The following PCDHGA4 variants were observed in gnomAD, a reference collection of about 807,000 sequenced individuals.
PCDHGA4 encodes the protein protocadherin gamma subfamily A, 4, also known as protocadherin gamma-A4.
Under a neutral mutation model 54.6 loss-of-function variants are expected in PCDHGA4, and 38 were observed. The ratio of observed to expected loss-of-function variants is 0.70; its 90% CI spans 0.54 to 0.91. The LOEUF (loss-of-function observed/expected upper bound fraction) is 0.91. Among genes scored for constraint, PCDHGA4 ranks in the 40% least tolerant of loss-of-function variants. The probability of loss-of-function intolerance (pLI) is 0.00; values close to 1 mark genes in which losing one functional copy is unlikely to be tolerated. For synonymous variants in PCDHGA4, 511 were observed against 512.9 expected (o/e 1.00, Z 0.05); for missense variants, 1,298 against 1,220.9 (o/e 1.06, Z -0.94).
At chr5:141,394,840 G>A in intron 1 of PCDHGA4, 3 of 1,613,834 alleles carry the variant, frequency 1.9e-6, no homozygotes, top group Non-Finnish European at 2.5e-6. Context: ...ACCGAGTTGG[G>A]CAGTCTGAAG....
Position 141,464,279 on chromosome 5 carries a change from CA to C in PCDHGA4, c.2515-30517del, listed in dbSNP as rs373828487. Among the ~76,000 whole-genome samples, 143 of 137,732 alleles carry C rather than the reference CA, an allele frequency of 1.0e-3. 2 individuals are homozygous for C. The Middle Eastern group carries it at 0.015, about 15-fold the overall frequency. 90.4% of individuals were successfully genotyped at this position (137,732 alleles called of 152,430 possible). A position where few individuals can be genotyped will look rare whatever the true frequency, so the allele number is the denominator to read the frequency against. The stretch of plus-strand genomic sequence containing the variant: ...GACTCCGTCTAAAAAAAAAAAAAAG[CA>C]AAAAAAAAAACTCCATTGTATGTGC... On this transcript the variant is annotated intron_variant, in intron 1 of 3. Transcript: ENST00000571252.
chr5:141,357,619 C>T lies in PCDHGA4; in HGVS notation c.2512C>T (p.Gln838Ter). The change falls in exon 1 of 4, where the codon CAG becomes TAG. Residue 838 changes from glutamine (Q) to a stop codon, truncating the protein, a stop_gained and splice_region_variant. Transcript: ENST00000571252. LOFTEE classifies it high-confidence loss of function. ...TGAAACAAAAGGAGACCCTAATCTTCAGGTGAGTCAATCTTATAATAGATC... is the reference window on the plus strand; with the variant it reads ...TGAAACAAAAGGAGACCCTAATCTTTAGGTGAGTCAATCTTATAATAGATC... Reference protein sequence around the residue: ...LLETKGDPNLQQAPPNTDWRF... With the variant: ...LLETKGDPNL The T allele has an allele frequency of 6.2e-7, 1 of 1,613,696 alleles. No individual in the cohort carries two copies. The highest frequency in any genetic ancestry group is 8.5e-7 in the Non-Finnish European group (1 of 1,179,700).
Position 141,357,616 on chromosome 5 carries a change from C to T in PCDHGA4, c.2509C>T (p.Leu837Phe). The change falls in exon 1 of 4, where the codon CTT becomes TTT. Residue 837 changes from leucine to phenylalanine, a missense_variant. Leu to Phe is a conservative substitution (Grantham distance 22). Coordinates refer to ENST00000571252, the MANE Select transcript of PCDHGA4 (RefSeq NM_018917.4). ...DLLETKGDPN[L>F]QQAPPNTDWR... ...ACTTGAAACAAAAGGAGACCCTAAT[C>T]TTCAGGTGAGTCAATCTTATAATAG... 6.2e-7 allele frequency: 1 copy of T among 1,613,818 alleles called. No homozygotes were observed. Among genetic ancestry groups the T allele is most frequent in the Non-Finnish European group, 8.5e-7 (1 of 1,179,798 alleles).
At chr5:141,374,714 G>T (rs1236113306) in intron 1 of PCDHGA4, 1 of 1,609,850 alleles carries the variant, frequency 6.2e-7, no homozygotes, top group Non-Finnish European at 8.5e-7. Flanking sequence ...TTACCGCCTG[G>T]TCCTTACTGC....
intron 1 of PCDHGA4, among the ~76,000 whole-genome samples, chr5:141,450,951 A>G (rs1018018318): frequency 1.3e-5 from 2 of 151,732 alleles, no homozygotes; most frequent in Non-Finnish European, 2.9e-5. Context: ...CAGCCTCCCA[A>G]GTAGCTGGGA....
rs2099883574 is a variant in PCDHGA4, at chr5:141,511,027, C to T, written c.2743C>T (p.Leu915=). The change falls in exon 4 of 4, where the codon CTG becomes TTG. Residue 915 remains leucine (L), a synonymous_variant. Transcript: ENST00000571252. ...CGCCCGCTACGGACCCCAGTTCACCCTGCAGCACGTGCCCGACTACCGCCA... is the reference window on the plus strand; with the variant it reads ...CGCCCGCTACGGACCCCAGTTCACCTTGCAGCACGTGCCCGACTACCGCCA... The part of the protein sequence containing the change: ...LSARYGPQFT[L]QHVPDYRQNV... 2 of 1,614,230 alleles carry T rather than the reference C, an allele frequency of 1.2e-6. No individual in the cohort carries two copies. The highest frequency in any genetic ancestry group is 1.7e-6 in the Non-Finnish European group (2 of 1,180,034).
At position 141,399,193 on chromosome 5, in the gene PCDHGA4, G is replaced by A. The variant is rs138699584; in HGVS notation, c.2514+41572G>A. ...TCTACTTGAAATGATTCTGGAAAAC[G>A]CGGTGCCTGGAACACTAATTGCTTT... is the stretch of plus-strand genomic sequence containing the variant. On this transcript the variant is annotated intron_variant, in intron 1 of 3. Transcript: ENST00000571252. The A allele has an allele frequency of 4.9e-3, 7,970 of 1,613,820 alleles. 45 individuals are homozygous for A. Among genetic ancestry groups the A allele is most frequent in the Admixed American group, 9.4e-3 (567 of 60,008 alleles).
At chr5:141,372,751 C>T (rs775212888) in intron 1 of PCDHGA4, 1 of 1,613,310 alleles carries the variant, frequency 6.2e-7, no homozygotes, top group Admixed American at 1.7e-5. Flanking sequence ...GATGAAGCCT[C>T]TTGGTTTGAA....
At position 141,381,228 on chromosome 5, in the gene PCDHGA4, A is replaced by G. The variant is rs182297381; in HGVS notation, c.2514+23607A>G. ...TCTGGATTCTCCTCCTGGTTCCACC[A>G]ACTACTCTCCAGGACCTAGAAGAAT... On this transcript the variant is annotated intron_variant, in intron 1 of 3. Transcript: ENST00000571252. Among the ~76,000 whole-genome samples, 8 of 152,396 alleles carry G rather than the reference A, an allele frequency of 5.2e-5. No individual in the cohort carries two copies. In the East Asian group the frequency reaches 1.5e-3, roughly 29 times the overall value.
chr5:141,387,299 G>A (rs1405240674), intron 1 of PCDHGA4, among the ~76,000 whole-genome samples: 2 of 152,182 alleles, frequency 1.3e-5, no homozygotes, highest in South Asian at 2.1e-4. Flanking sequence ...AATGTATCCA[G>A]TATATTTCTA....
chr5:141,492,934 G>A (rs1382515835), intron 1 of PCDHGA4, among the ~76,000 whole-genome samples: 7 of 152,236 alleles, frequency 4.6e-5, no homozygotes, highest in Admixed American at 4.6e-4. Flanking sequence ...TAGGGTCAGA[G>A]ATTTGGAGGT....
intron 1 of PCDHGA4, chr5:141,395,037 G>A: frequency 1.9e-6 from 3 of 1,614,134 alleles, no homozygotes; most frequent in Non-Finnish European, 2.5e-6. Flanking sequence ...ACATTTTGTG[G>A]GTGTTGAGGA....
rs886273708 is a variant in PCDHGA4 at position 141,355,716 on chromosome 5, C to T, written c.609C>T (p.Leu203=). Residue 203 remains leucine (L), a synonymous_variant, in exon 1 of 4, where the codon CTC becomes CTT. Transcript: ENST00000571252. ...VGVNSLQGYQ[L]NSNGYFSLDV... is the part of the protein sequence containing the mutation. Reference sequence around the variant, plus strand: ...TAAACTCCCTGCAGGGTTACCAGCTCAACTCAAACGGTTACTTTTCCCTGG... The same window carrying T: ...TAAACTCCCTGCAGGGTTACCAGCTTAACTCAAACGGTTACTTTTCCCTGG... The T allele has an allele frequency of 6.2e-6, 10 of 1,613,994 alleles. No individual in the cohort carries two copies. Among genetic ancestry groups the T allele is most frequent in the Non-Finnish European group, 8.5e-6 (10 of 1,179,890 alleles).
chr5:141,457,149 G>A (rs1016628234), intron 1 of PCDHGA4, among the ~76,000 whole-genome samples: 6 of 152,180 alleles, frequency 3.9e-5, no homozygotes, highest in African/African-American at 1.4e-4. Flanking sequence ...TCAGTTAGAA[G>A]GTGCTACCAT....
Position 141,370,766 on chromosome 5 carries a change from G to C in PCDHGA4, c.2514+13145G>C, listed in dbSNP as rs1205087920. On this transcript the variant is annotated intron_variant, in intron 1 of 3. Transcript: ENST00000571252. ...TTTTTCATGTAACTGTGCTGATCCA[G>C]GATATTAACGACAACCCACCGACCT... The C allele has an allele frequency of 1.9e-6, 3 of 1,613,834 alleles. No homozygotes were observed. In the African/African-American group the frequency reaches 4.0e-5, roughly 22 times the overall value.
chr5:141,394,447 A>T, intron 1 of PCDHGA4: 1 of 1,614,248 alleles, frequency 6.2e-7, no homozygotes, highest in Non-Finnish European at 8.5e-7. Flanking sequence ...CTCAGCAGCA[A>T]CATGTCACTG....
chr5:141,511,002 C>T lies in PCDHGA4; in HGVS notation c.2718C>T (p.Ser906=), dbSNP rs143630962. 77 of 1,614,140 alleles carry T rather than the reference C, an allele frequency of 4.8e-5. No individual in the cohort carries two copies. Among genetic ancestry groups the T allele is most frequent in the South Asian group, 2.1e-4 (19 of 91,080 alleles). ...GGGGTGCCGGCACCATGGGATTGAG[C>T]GCCCGCTACGGACCCCAGTTCACCC... The part of the protein sequence containing the change: ...LGGGAGTMGL[S]ARYGPQFTLQ... Residue 906 remains serine (S), a synonymous_variant, in exon 4 of 4, where the codon AGC becomes AGT. Coordinates refer to ENST00000571252, the MANE Select transcript of PCDHGA4 (RefSeq NM_018917.4).
chr5:141,383,075 TG>T, intron 1 of PCDHGA4: 2 of 1,613,878 alleles, frequency 1.2e-6, no homozygotes, highest in Non-Finnish European at 1.7e-6. Flanking sequence ...CCCCGGGAGC[TG>T]GCGGAGCGCG....
chr5:141,383,551 G>A lies in PCDHGA4; in HGVS notation c.2514+25930G>A, dbSNP rs772901140. 8 of 1,612,382 alleles carry A rather than the reference G, an allele frequency of 5.0e-6. No individual in the cohort carries two copies. Among genetic ancestry groups the A allele is most frequent in the Admixed American group, 3.3e-5 (2 of 59,816 alleles). On this transcript the variant is annotated intron_variant, in intron 1 of 3. Transcript: ENST00000571252. ...CCTGGTCCTCACAGCCTCTGATGGC[G>A]GCGACCCGCCCCGATCCAGCACCGC...
Sources: gnomAD v4.1 joint callset for allele counts (sites outside exome capture counted in the v4.1 genomes callset) on GRCh38, gnomAD v4.1.1 for gene constraint, MANE v1.5 for transcripts, NCBI Gene and HGNC (gene_info 2026-07-23, HGNC 2026-07-21) for gene names.